The following ZSCAN18 variants were observed in gnomAD, a reference collection of about 807,000 sequenced individuals.
The protein encoded by ZSCAN18 is zinc finger and SCAN domain-containing protein 18.
Under a neutral mutation model 31.1 loss-of-function variants are expected in ZSCAN18, and 16 were observed. The observed-to-expected ratio is 0.51, with a 90% CI of 0.35 to 0.78. The LOEUF (loss-of-function observed/expected upper bound fraction) is 0.78, where lower values mean the gene tolerates loss of function less well. Ranked by LOEUF, ZSCAN18 falls within the 30% of genes least tolerant of loss-of-function variation. The pLI, the probability that ZSCAN18 is intolerant of heterozygous loss-of-function variation, is 0.01. For missense variants in ZSCAN18, 731 were observed against 697.4 expected (o/e 1.05, Z -0.54); for synonymous variants, 375 against 320.7 (o/e 1.17, Z -1.81).
intron 1 of ZSCAN18, among the ~76,000 whole-genome samples, chr19:58,095,680 G>A (rs1379158809): frequency 6.6e-6 from 1 of 152,174 alleles, no homozygotes; most frequent in Non-Finnish European, 1.5e-5. Context: ...TGGGGAGGAC[G>A]GGACACCCTC....
intron 1 of ZSCAN18, among the ~76,000 whole-genome samples, chr19:58,091,616 TC>T (rs1228474338): frequency 1.3e-5 from 2 of 151,890 alleles, no homozygotes; most frequent in East Asian, 3.9e-4. Flanking sequence ...CTCAGCTGAA[TC>T]CCCACATACA....
At chr19:58,086,408 G>T in intron 5 of ZSCAN18, 142 bp from the exon 6 acceptor site, 1 of 673,154 alleles carries the variant, frequency 1.5e-6, no homozygotes, top group Non-Finnish European at 2.5e-6. Context: ...CCACCTCCCT[G>T]TTAGGCCCCT....
chr19:58,116,382 T>C (rs2074730274), intron 1 of ZSCAN18, among the ~76,000 whole-genome samples: 2 of 151,650 alleles, frequency 1.3e-5, no homozygotes, highest in Admixed American at 6.6e-5. Flanking sequence ...GGACCTGTTC[T>C]AGGTATCAAT....
In ZSCAN18 at chr19:58,109,022, C is replaced by T. The variant is rs566743981; in HGVS notation, c.130+9245G>A. 290 of 1,215,262 alleles carry T rather than the reference C, an allele frequency of 2.4e-4. 2 individuals are homozygous for T. In the South Asian group the frequency reaches 8.7e-3, roughly 37 times the overall value. 75.3% of individuals were successfully genotyped at this position (1,215,262 alleles called of 1,614,324 possible). A position where few individuals can be genotyped will look rare whatever the true frequency, so the allele number is the denominator to read the frequency against. ...TCACAGAAACCTGTTGTTTGAGGAC[C>T]TCTTTGACATGAAGCTAGGACTGAG... is the stretch of plus-strand genomic sequence containing the variant. On this transcript the variant is annotated intron_variant, in intron 1 of 1. Transcript: ENST00000595721.
intron 1 of ZSCAN18, among the ~76,000 whole-genome samples, chr19:58,114,447 TAA>T (rs2074713585): frequency 6.6e-6 from 1 of 151,988 alleles, no homozygotes; most frequent in African/African-American, 2.4e-5. Flanking sequence ...TATTTATGAG[TAA>T]AGTGTCATAC....
chr19:58,090,248 G>A lies in ZSCAN18; in HGVS notation c.20C>T (p.Ala7Val), dbSNP rs376941867. ...TGGGGAGCTCCTGGGGGAGGCAAACGCCTTCTCCAAAGGCAACATCTTTCC... is the reference window on the plus strand; with the variant it reads ...TGGGGAGCTCCTGGGGGAGGCAAACACCTTCTCCAAAGGCAACATCTTTCC... Reference protein sequence around the residue: MLPLEKAFASPRSSPAP... With the variant: MLPLEKVFASPRSSPAP... Residue 7 changes from alanine to valine, a missense_variant, in exon 2 of 7, where the codon GCG becomes GTG. By Grantham distance (64) the Ala-to-Val change is moderately conservative. This residue lies in a region of ZSCAN18 where 86 missense variants were observed against 119.1 expected (regional missense o/e 0.72). Transcript: ENST00000601144. This position sits in a 1 kb window ranked among gnomAD's most constrained non-coding sequence, Gnocchi z 4.7. 36 of 1,613,316 alleles carry A rather than the reference G, an allele frequency of 2.2e-5. No homozygotes were observed. In the Admixed American group the frequency reaches 3.3e-4, roughly 15 times the overall value.
At chr19:58,094,865 G>T (rs2074489728) in intron 1 of ZSCAN18, among the ~76,000 whole-genome samples, 1 of 109,270 alleles carries the variant, frequency 9.2e-6, no homozygotes, top group Non-Finnish European at 1.7e-5. Context: ...GTAACAGAGT[G>T]AGACCCTGTC....
chr19:58,097,700 C>T (rs1568638771), intron 1 of ZSCAN18, among the ~76,000 whole-genome samples: 1 of 144,510 alleles, frequency 6.9e-6, no homozygotes, highest in Non-Finnish European at 1.5e-5. Flanking sequence ...CTCCTCTTCC[C>T]TTCAGGAGCC....
chr19:58,105,315 C>G (rs964378408), intron 1 of ZSCAN18, among the ~76,000 whole-genome samples: 2 of 152,196 alleles, frequency 1.3e-5, no homozygotes, highest in Non-Finnish European at 2.9e-5. Context: ...AACGTGTATT[C>G]TGCAGCCCAT....
Position 58,084,984 on chromosome 19 carries a change from G to A in ZSCAN18, c.1234C>T (p.Pro412Ser). 1 of 1,597,792 alleles carries A rather than the reference G, an allele frequency of 6.3e-7. No individual in the cohort carries two copies. ...ADEPGLSRGK[P>S]YACGECGEAF... ...TCCCCGCACTCGCCGCAGGCATAGG[G>A]CTTCCCGCGGGACAAGCCCGGCTCG... The change falls in exon 7 of 7, where the codon CCC (proline) becomes TCC (serine). Residue 412 changes from proline to serine, a missense_variant. Transcript: ENST00000601144. The surrounding 1 kb of genome is among the most constrained non-coding windows in gnomAD (Gnocchi z 4.5).
Position 58,108,413 on chromosome 19 carries a change from C to G in ZSCAN18, c.130+9854G>C, listed in dbSNP as rs2074653172. The G allele has an allele frequency of 7.1e-6, 7 of 985,366 alleles. No homozygotes were observed. The African/African-American group carries it at 1.2e-4, about 17-fold the overall frequency. 61.0% of individuals were successfully genotyped at this position (985,366 alleles called of 1,614,324 possible). On this transcript the variant is annotated intron_variant, in intron 1 of 1. Transcript: ENST00000595721. ...AGTGGCAGCTGAAGGTCTTCCCATA[C>G]CAATTCCTTTCACAGGGCTTCTTTC...
chr19:58,112,525 C>T (rs1309609806), intron 1 of ZSCAN18, among the ~76,000 whole-genome samples: 2 of 152,000 alleles, frequency 1.3e-5, no homozygotes, highest in African/African-American at 4.8e-5. Context: ...CTGGCAGGCA[C>T]CTGTAGTCCC....
intron 1 of ZSCAN18, chr19:58,109,421 C>T: frequency 5.4e-6 from 6 of 1,114,950 alleles, no homozygotes; most frequent in Non-Finnish European, 6.8e-6. Flanking sequence ...TGATGCTGTG[C>T]CCATTCTGTG....
At chr19:58,108,701 T>C (rs918545) in intron 1 of ZSCAN18, 813,469 of 985,240 alleles carry the variant, frequency 0.83, 337,855 homozygotes, top group Non-Finnish European at 0.85. Context: ...ATACTTCCAT[T>C]GTGTTCATAA....
At chr19:58,101,939 T>A (rs2074597766), upstream of ZSCAN18, among the ~76,000 whole-genome samples, 2 of 152,090 alleles carry the variant, frequency 1.3e-5, no homozygotes, top group Admixed American at 1.3e-4. Context: ...TAATTAGGGT[T>A]GAGTTTCCTA....
chr19:58,087,208 G>T, intron 4 of ZSCAN18, 108 bp downstream of exon 4: 7 of 1,250,282 alleles, frequency 5.6e-6, no homozygotes, highest in Non-Finnish European at 7.8e-6. Flanking sequence ...GGGCCTCAGC[G>T]CTGTGGACGT....
At chr19:58,105,831 T>G (rs546656764) in intron 1 of ZSCAN18, among the ~76,000 whole-genome samples, 2 of 151,646 alleles carry the variant, frequency 1.3e-5, no homozygotes, top group Non-Finnish European at 2.9e-5. Context: ...AATAAAAAAT[T>G]AGCCGGCCAT....
upstream of ZSCAN18, among the ~76,000 whole-genome samples, chr19:58,101,514 T>A (rs1316911060): frequency 5.2e-5 from 3 of 57,296 alleles, no homozygotes; most frequent in African/African-American, 1.3e-4. Context: ...ATACTTTATC[T>A]TCTTCTTTTT....
At chr19:58,113,205 ACT>A (rs1370495102) in intron 1 of ZSCAN18, among the ~76,000 whole-genome samples, 1 of 151,316 alleles carries the variant, frequency 6.6e-6, no homozygotes, top group Non-Finnish European at 1.5e-5. Flanking sequence ...AGTCCCAGCT[ACT>A]CGGGAGGCTG....
Sources: allele counts gnomAD v4.1 joint callset (sites outside exome capture counted in the v4.1 genomes callset), GRCh38; gene constraint gnomAD v4.1.1; regional missense constraint gnomAD v4.1.1; non-coding constraint Gnocchi (gnomAD v3.1); transcripts MANE v1.5; gene names NCBI Gene and HGNC (gene_info 2026-07-23, HGNC 2026-07-21).